The following CEP128 variants were observed in gnomAD, a reference collection of about 807,000 sequenced individuals.
The protein encoded by CEP128 is centrosomal protein 128.
CEP128 carries 132 observed loss-of-function variants against 156.7 expected under a neutral mutation model. The ratio of observed to expected loss-of-function variants is 0.84; its 90% CI spans 0.73 to 0.97. The LOEUF (loss-of-function observed/expected upper bound fraction) is 0.97, where lower values mean the gene tolerates loss of function less well. CEP128 is among the 50% of genes least tolerant of loss of function. The pLI is 0.00. For synonymous variants in CEP128, 469 were observed against 448.9 expected (o/e 1.04, Z -0.57); for missense variants, 1,252 against 1,281.9 (o/e 0.98, Z 0.36).
intron 24 of CEP128, among the ~76,000 whole-genome samples, chr14:80,501,799 G>T (rs1251993962): frequency 1.3e-5 from 2 of 151,916 alleles, no homozygotes; most frequent in African/African-American, 4.8e-5. Flanking sequence ...GAGGTAGGAG[G>T]TGGGACTAGA....
At chr14:80,768,081 A>G (rs1216968419) in intron 16 of CEP128, among the ~76,000 whole-genome samples, 1 of 152,202 alleles carries the variant, frequency 6.6e-6, no homozygotes, top group Non-Finnish European at 1.5e-5. Flanking sequence ...TTTTGAGCAC[A>G]TTAAATGTGT....
chr14:80,906,218 A>G, intron 4 of CEP128, 137 bp from the exon 5 acceptor site: 1 of 602,482 alleles, frequency 1.7e-6, no homozygotes, highest in Non-Finnish European at 2.7e-6. Flanking sequence ...ATTTTAAACT[A>G]AGTTATGTTT....
intron 9 of CEP128, among the ~76,000 whole-genome samples, chr14:80,848,501 A>C (rs1268582683): frequency 6.6e-6 from 1 of 152,116 alleles, no homozygotes; most frequent in Admixed American, 6.6e-5. Flanking sequence ...CTCTACTTAA[A>C]TTACAAAAAA....
intron 9 of CEP128, among the ~76,000 whole-genome samples, chr14:80,845,454 G>C (rs1886552275): frequency 6.6e-6 from 1 of 152,072 alleles, no homozygotes; most frequent in Admixed American, 6.6e-5. Flanking sequence ...TATCCGAGTA[G>C]TTTCCTCTCA....
chr14:80,859,479 A>G (rs1367611429), intron 9 of CEP128, among the ~76,000 whole-genome samples: 2 of 151,768 alleles, frequency 1.3e-5, no homozygotes, highest in African/African-American at 2.4e-5. Flanking sequence ...GCGCAGCAGC[A>G]TGGCACATGT....
At chr14:80,603,121 G>A (rs1353996534) in intron 19 of CEP128, among the ~76,000 whole-genome samples, 1 of 152,202 alleles carries the variant, frequency 6.6e-6, no homozygotes, top group Non-Finnish European at 1.5e-5. Context: ...CATTTGTCCT[G>A]GCTCTGGAGT....
intron 13 of CEP128, among the ~76,000 whole-genome samples, chr14:80,830,006 G>A (rs1364178979): frequency 6.6e-6 from 1 of 152,128 alleles, no homozygotes; most frequent in African/African-American, 2.4e-5. Context: ...AGAGCAAAGG[G>A]ATTTTTCTAC....
chr14:80,914,267 A>C (rs903382362), intron 4 of CEP128, 55 bp downstream of exon 4: 2 of 1,315,972 alleles, frequency 1.5e-6, no homozygotes, highest in Admixed American at 1.7e-5. Flanking sequence ...TCCCCAAAAC[A>C]CTTCATTCCC....
At chr14:80,864,011 C>T (rs894347506) in intron 8 of CEP128, among the ~76,000 whole-genome samples, 2 of 152,194 alleles carry the variant, frequency 1.3e-5, no homozygotes, top group Non-Finnish European at 1.5e-5. Context: ...TCTGCCACTA[C>T]CACTGCTGAG....
At chr14:80,756,040 T>C (rs1159236037) in intron 18 of CEP128, among the ~76,000 whole-genome samples, 1 of 152,198 alleles carries the variant, frequency 6.6e-6, no homozygotes, top group Non-Finnish European at 1.5e-5. Context: ...ATGATAAAGA[T>C]TTTAACTTGA....
At chr14:80,664,200 T>C (rs995432206) in intron 19 of CEP128, among the ~76,000 whole-genome samples, 5 of 152,124 alleles carry the variant, frequency 3.3e-5, no homozygotes, top group Non-Finnish European at 7.3e-5. Context: ...CCCTCTGATC[T>C]AGATGTCCTA....
intron 19 of CEP128, among the ~76,000 whole-genome samples, chr14:80,619,166 T>C (rs1312546399): frequency 6.6e-6 from 1 of 152,112 alleles, no homozygotes; most frequent in African/African-American, 2.4e-5. Flanking sequence ...CAAAAGACTG[T>C]TCTGCAGGAA....
At chr14:80,816,643 T>C (rs780062320) in intron 13 of CEP128, among the ~76,000 whole-genome samples, 8 of 152,154 alleles carry the variant, frequency 5.3e-5, no homozygotes, top group Non-Finnish European at 1.0e-4. Context: ...AGAGGCCTTA[T>C]GAACAGAGAG....
chr14:80,744,844 T>C (rs1310965509), intron 18 of CEP128, among the ~76,000 whole-genome samples: 1 of 152,130 alleles, frequency 6.6e-6, no homozygotes, highest in Non-Finnish European at 1.5e-5. Flanking sequence ...ACTGATAGGA[T>C]GGTTACCCTA....
At chr14:80,680,933 C>T (rs1406355452) in intron 19 of CEP128, among the ~76,000 whole-genome samples, 1 of 152,134 alleles carries the variant, frequency 6.6e-6, no homozygotes, top group Non-Finnish European at 1.5e-5. Context: ...CCACTGTGCA[C>T]CCCACGGATC....
chr14:80,477,477 GAACAAAGTCTTAAAATGTA>G (rs1459125457), exon 15 of CEP128: 2 of 152,080 alleles, frequency 1.3e-5, no homozygotes, highest in Non-Finnish European at 2.9e-5. Flanking sequence ...AAAGAATTAT[GAACAAAGTCTTAAAATGTA>G]AAGCACCTCC....
chr14:80,751,494 A>G (rs1381283372), intron 18 of CEP128, among the ~76,000 whole-genome samples: 1 of 152,236 alleles, frequency 6.6e-6, no homozygotes, highest in Non-Finnish European at 1.5e-5. Context: ...TGACAAGGCT[A>G]TTAATCACAG....
chr14:80,854,943 T>C (rs1278395330), intron 9 of CEP128, among the ~76,000 whole-genome samples: 1 of 152,078 alleles, frequency 6.6e-6, no homozygotes, highest in African/African-American at 2.4e-5. Context: ...CACATATGTA[T>C]TACCAGAAAC....
At chr14:80,892,742 CTAAA>C (rs1889161318) in intron 8 of CEP128, among the ~76,000 whole-genome samples, 1 of 151,810 alleles carries the variant, frequency 6.6e-6, no homozygotes, top group Non-Finnish European at 1.5e-5. Context: ...GGCAAAGAAT[CTAAA>C]TAGACATTTC....
Sources: gnomAD v4.1 joint callset for allele counts (sites outside exome capture counted in the v4.1 genomes callset) on GRCh38, gnomAD v4.1.1 for gene constraint, MANE v1.5 for transcripts, NCBI Gene and HGNC (gene_info 2026-07-23, HGNC 2026-07-21) for gene names.